Variants in PDCD6IP observed in about 807,000 individuals in gnomAD.
The protein encoded by PDCD6IP is programmed cell death 6-interacting protein.
Under a neutral mutation model 103.7 loss-of-function variants are expected in PDCD6IP, and 43 were observed. That is an observed-to-expected ratio of 0.41 (90% CI 0.32 to 0.53). The LOEUF (loss-of-function observed/expected upper bound fraction) is 0.53, where lower values mean the gene tolerates loss of function less well. PDCD6IP is among the 20% of genes least tolerant of loss of function. The pLI is 0.16. For missense variants in PDCD6IP, 871 were observed against 1,036.7 expected (o/e 0.84, Z 2.20); for synonymous variants, 354 against 378.7 (o/e 0.93, Z 0.76).
chr3:33,841,712 A>G (rs1031477210), intron 9 of PDCD6IP, among the ~76,000 whole-genome samples, 185 bp from the exon 10 acceptor site: 19 of 152,080 alleles, frequency 1.2e-4, no homozygotes, highest in Non-Finnish European at 2.4e-4. Flanking sequence ...TGCTGGGATT[A>G]CACGCGTGAG....
At chr3:33,807,937 G>A (rs753558717) in intron 1 of PDCD6IP, among the ~76,000 whole-genome samples, 5 of 152,208 alleles carry the variant, frequency 3.3e-5, no homozygotes, top group Non-Finnish European at 5.9e-5. Context: ...ACCTTTAGGC[G>A]TTGTTGCCTC....
rs1355902000 is a variant in PDCD6IP, at chr3:33,821,896, A to G, written c.335-59A>G. On this transcript the variant is annotated intron_variant, in intron 3 of 17. Coordinates refer to ENST00000307296, the MANE Select transcript of PDCD6IP (RefSeq NM_013374.6). Reference sequence around the variant, plus strand: ...AGAGGTCATAGTATTTCTCTTTGAAACATTTGTTTTCTTTAGAAAAAATAA... The same window carrying G: ...AGAGGTCATAGTATTTCTCTTTGAAGCATTTGTTTTCTTTAGAAAAAATAA... 3 of 1,513,212 alleles carry G rather than the reference A, an allele frequency of 2.0e-6. No homozygotes were observed. In the Admixed American group the frequency reaches 5.7e-5, roughly 29 times the overall value. 93.7% of individuals were successfully genotyped at this position (1,513,212 alleles called of 1,614,324 possible). A position where few individuals can be genotyped will look rare whatever the true frequency, so the allele number is the denominator to read the frequency against.
At chr3:33,845,030 C>G (rs1697561049) in intron 11 of PDCD6IP, among the ~76,000 whole-genome samples, 1 of 148,294 alleles carries the variant, frequency 6.7e-6, no homozygotes, top group South Asian at 2.2e-4. Context: ...TGAGATTTTT[C>G]TAAAAATCTT....
At position 33,825,270 on chromosome 3, in the gene PDCD6IP, T is replaced by A. The variant is rs1222318750; in HGVS notation, c.546T>A (p.Asp182Glu). The change falls in exon 5 of 18, where the codon GAT becomes GAA. Residue 182 changes from aspartate to glutamate, a missense_variant. Coordinates refer to ENST00000307296, the MANE Select transcript of PDCD6IP (RefSeq NM_013374.6). The part of the protein sequence containing the change: ...SREPTVDISP[D>E]TVGTLSLIML... ...AGCCGACCGTGGACATATCTCCAGA[T>A]ACTGTTGGGACCCTCAGTCTTATTA... is the stretch of plus-strand genomic sequence containing the variant. 6.2e-7 allele frequency: 1 copy of A among 1,613,740 alleles called. No individual in the cohort carries two copies. Among genetic ancestry groups the A allele is most frequent in the Non-Finnish European group, 8.5e-7 (1 of 1,179,862 alleles).
At chr3:33,834,912 T>A (rs1430420725) in intron 7 of PDCD6IP, among the ~76,000 whole-genome samples, 12 of 152,226 alleles carry the variant, frequency 7.9e-5, no homozygotes, top group Admixed American at 5.2e-4. Context: ...TACACTTTTT[T>A]TTAATCTGGT....
intron 17 of PDCD6IP, 56 bp from the exon 18 acceptor site, chr3:33,866,295 T>G (rs71325168): frequency 4.6e-6 from 5 of 1,077,266 alleles, no homozygotes; most frequent in Non-Finnish European, 6.5e-6. Flanking sequence ...ATGATTATTG[T>G]TTTATTTTTT....
rs777405711 is a variant in PDCD6IP, at chr3:33,857,864, CA to C, written c.2120+2605del. ...GTGATTAATGGAGAAGCACTATAAACAGTTCCCTCTGAAGTCAAGAACAGAC... is the reference window on the plus strand; with the variant it reads ...GTGATTAATGGAGAAGCACTATAAACGTTCCCTCTGAAGTCAAGAACAGAC... On this transcript the variant is annotated intron_variant, in intron 15 of 17. Coordinates refer to ENST00000307296, the MANE Select transcript of PDCD6IP (RefSeq NM_013374.6). 5.3e-5 allele frequency among the ~76,000 whole-genome samples: 8 copies of C among 152,298 alleles called. No homozygotes were observed. The East Asian group carries it at 1.2e-3, about 22-fold the overall frequency.
intron 8 of PDCD6IP, 28 bp downstream of exon 8, chr3:33,836,294 A>G (rs762760969): frequency 1.3e-5 from 17 of 1,297,124 alleles, no homozygotes; most frequent in Non-Finnish European, 1.8e-5. Context: ...ACACACTTTA[A>G]TCTCATTTTT....
At chr3:33,834,401 G>C (rs942314422) in intron 7 of PDCD6IP, among the ~76,000 whole-genome samples, 1 of 152,100 alleles carries the variant, frequency 6.6e-6, no homozygotes, top group African/African-American at 2.4e-5. Context: ...ATTTGGGGGA[G>C]GGTTCAACCA....
rs543573218 is a variant in PDCD6IP at position 33,834,088 on chromosome 3, T to C, written c.835-1956T>C. 7.2e-5 allele frequency among the ~76,000 whole-genome samples: 11 copies of C among 152,320 alleles called. No individual in the cohort carries two copies. The South Asian group carries it at 1.2e-3, about 17-fold the overall frequency. On this transcript the variant is annotated intron_variant, in intron 7 of 17. Coordinates refer to ENST00000307296, the MANE Select transcript of PDCD6IP (RefSeq NM_013374.6). Reference sequence around the variant, plus strand: ...GCCCTTTCTTCTCCCTCCCTACTTTTCTGTTCTCTCTTTCTGCTCCCCCTA... The same window carrying C: ...GCCCTTTCTTCTCCCTCCCTACTTTCCTGTTCTCTCTTTCTGCTCCCCCTA...
At position 33,842,594 on chromosome 3, in the gene PDCD6IP, GT is replaced by G. The variant is rs1269192940; in HGVS notation, c.1359+524del. On this transcript the variant is annotated intron_variant, in intron 10 of 17. Coordinates refer to ENST00000307296, the MANE Select transcript of PDCD6IP (RefSeq NM_013374.6). ...TGCTGATTCTTGCTTATGGTGGCTT[GT>G]TTTCTCTTGTGTTCAGTTTTTTTGT... 2.6e-5 allele frequency among the ~76,000 whole-genome samples: 4 copies of G among 151,880 alleles called. No homozygotes were observed. In the East Asian group the frequency reaches 7.7e-4, roughly 29 times the overall value.
chr3:33,804,576 G>T (rs1378315003), intron 1 of PDCD6IP, among the ~76,000 whole-genome samples: 1 of 152,214 alleles, frequency 6.6e-6, no homozygotes, highest in African/African-American at 2.4e-5. Context: ...CATATGGGAA[G>T]ATTTAAAATC....
At chr3:33,810,329 G>A (rs936228276) in intron 1 of PDCD6IP, among the ~76,000 whole-genome samples, 3 of 152,102 alleles carry the variant, frequency 2.0e-5, no homozygotes, top group African/African-American at 4.8e-5. Context: ...TCAGTGCTTA[G>A]CCATTGGGAG....
At chr3:33,836,549 G>A (rs1004686213) in intron 8 of PDCD6IP, among the ~76,000 whole-genome samples, 4 of 152,062 alleles carry the variant, frequency 2.6e-5, no homozygotes, top group African/African-American at 9.7e-5. Context: ...TATTTAAGAT[G>A]CTGCCATTAA....
intron 1 of PDCD6IP, among the ~76,000 whole-genome samples, chr3:33,802,679 G>A (rs1005397160): frequency 2.0e-5 from 3 of 151,916 alleles, no homozygotes; most frequent in African/African-American, 4.8e-5. Flanking sequence ...TGGTAGAGAC[G>A]GGCTTTCTCC....
At chr3:33,845,645 C>A (rs1490224547) in intron 12 of PDCD6IP, 57 bp downstream of exon 12, 21 of 1,339,094 alleles carry the variant, frequency 1.6e-5, no homozygotes, top group Admixed American at 4.6e-5. Context: ...ACATTCAAGC[C>A]ATTTTATATA....
At chr3:33,818,977 G>C (rs1055141477) in intron 3 of PDCD6IP, among the ~76,000 whole-genome samples, 1 of 151,908 alleles carries the variant, frequency 6.6e-6, no homozygotes, top group Non-Finnish European at 1.5e-5. Context: ...CATTTTATTC[G>C]TGTGTAGGGC....
At chr3:33,854,236 A>G (rs1697781408) in intron 14 of PDCD6IP, among the ~76,000 whole-genome samples, 1 of 152,238 alleles carries the variant, frequency 6.6e-6, no homozygotes, top group Non-Finnish European at 1.5e-5. Context: ...TTCAACTGGC[A>G]GAAAAGGGGT....
At chr3:33,814,765 A>C (rs940269065) in intron 3 of PDCD6IP, among the ~76,000 whole-genome samples, 41 of 144,992 alleles carry the variant, frequency 2.8e-4, no homozygotes, top group Admixed American at 1.1e-3. Context: ...TTACATATAC[A>C]CACATATATA....
Sources: allele counts gnomAD v4.1 joint callset (sites outside exome capture counted in the v4.1 genomes callset), GRCh38; gene constraint gnomAD v4.1.1; transcripts MANE v1.5; gene names NCBI Gene and HGNC (gene_info 2026-07-23, HGNC 2026-07-21).